The following TIAM1 variants were observed in gnomAD, a reference collection of about 807,000 sequenced individuals.
The protein encoded by TIAM1 is rho guanine nucleotide exchange factor TIAM1.
A neutral mutation model predicts 163.5 loss-of-function variants in TIAM1; 65 were observed. That is an observed-to-expected ratio of 0.40 (90% CI 0.33 to 0.49). The LOEUF is 0.49. TIAM1 is among the 20% of genes least tolerant of loss of function. The pLI, the probability that TIAM1 is intolerant of heterozygous loss-of-function variation, is 0.77. For missense variants in TIAM1, 1,789 were observed against 2,044.7 expected (o/e 0.87, Z 2.41); for synonymous variants, 833 against 810.1 (o/e 1.03, Z -0.48).
At chr21:31,261,271 T>TG (rs1381657326) in intron 4 of TIAM1, among the ~76,000 whole-genome samples, 1 of 150,092 alleles carries the variant, frequency 6.7e-6, no homozygotes, top group Non-Finnish European at 1.5e-5. Context: ...CCTTTTTTTT[T>TG]TTTTTTGTAT....
chr21:31,365,674 G>A (rs2076492931), intron 2 of TIAM1, among the ~76,000 whole-genome samples: 1 of 151,972 alleles, frequency 6.6e-6, no homozygotes, highest in South Asian at 2.1e-4. Context: ...ACAGGCGTGA[G>A]CCACTGTGCC....
At chr21:31,520,743 C>T (rs546565130) in intron 1 of TIAM1, among the ~76,000 whole-genome samples, 1 of 152,168 alleles carries the variant, frequency 6.6e-6, no homozygotes, top group African/African-American at 2.4e-5. Flanking sequence ...CCCAGCCGTG[C>T]GATTGGAGAT....
intron 12 of TIAM1, among the ~76,000 whole-genome samples, chr21:31,201,391 C>A (rs1267292939): frequency 6.6e-6 from 1 of 152,162 alleles, no homozygotes; most frequent in Non-Finnish European, 1.5e-5. Context: ...TTTTGATAAT[C>A]TTCTATTGCA....
At chr21:31,219,058 G>A (rs2087396663) in intron 8 of TIAM1, among the ~76,000 whole-genome samples, 1 of 122,642 alleles carries the variant, frequency 8.2e-6, no homozygotes, top group Non-Finnish European at 1.6e-5. Flanking sequence ...TTTTGACGGA[G>A]TCTCGCTCTG....
chr21:31,245,780 G>A, intron 5 of TIAM1, 120 bp from the exon 6 acceptor site: 1 of 976,736 alleles, frequency 1.0e-6, no homozygotes, highest in Non-Finnish European at 1.3e-6. Context: ...GTGGAACCCA[G>A]GAAGTAAAGA....
intron 6 of TIAM1, 116 bp downstream of exon 6, chr21:31,245,372 T>TAAAA (rs35494700): frequency 8.1e-5 from 17 of 209,906 alleles, no homozygotes; most frequent in Admixed American, 2.1e-4. Context: ...ATCTCACCAC[T>TAAAA]AAAAAAAAAA....
chr21:31,442,515 G>C (rs998168030), intron 2 of TIAM1, among the ~76,000 whole-genome samples: 3 of 152,126 alleles, frequency 2.0e-5, no homozygotes, highest in African/African-American at 7.2e-5. Flanking sequence ...TTACAGGCAT[G>C]AGCTACCACG....
intron 2 of TIAM1, among the ~76,000 whole-genome samples, chr21:31,351,248 CAGA>C (rs2076229217): frequency 6.6e-6 from 1 of 152,156 alleles, no homozygotes; most frequent in Non-Finnish European, 1.5e-5. Flanking sequence ...CATCTGAAGT[CAGA>C]AGGAGTAAGT....
intron 2 of TIAM1, among the ~76,000 whole-genome samples, chr21:31,441,284 C>T (rs2147301180): frequency 6.6e-6 from 1 of 152,202 alleles, no homozygotes; most frequent in East Asian, 1.9e-4. Context: ...CAAGGTGTGG[C>T]CCAAGCATCC....
intron 19 of TIAM1, among the ~76,000 whole-genome samples, chr21:31,151,239 T>C (rs1439779284): frequency 2.0e-5 from 3 of 152,204 alleles, no homozygotes; most frequent in African/African-American, 7.2e-5. Flanking sequence ...AATGAGAGCA[T>C]ATATCCATAC....
chr21:31,245,890 GCC>G (rs2071475330), intron 5 of TIAM1, among the ~76,000 whole-genome samples: 1 of 152,146 alleles, frequency 6.6e-6, no homozygotes, highest in Non-Finnish European at 1.5e-5. Context: ...CTTCCTGCAT[GCC>G]CTCAAGTTCT....
chr21:31,438,324 T>C (rs1193502321), intron 2 of TIAM1, among the ~76,000 whole-genome samples: 1 of 151,262 alleles, frequency 6.6e-6, no homozygotes, highest in African/African-American at 2.4e-5. Context: ...CCCAAGTAGC[T>C]GGGATTACAG....
intron 4 of TIAM1, among the ~76,000 whole-genome samples, chr21:31,259,572 G>C (rs1321086305): frequency 6.6e-6 from 1 of 151,622 alleles, no homozygotes; most frequent in Non-Finnish European, 1.5e-5. Flanking sequence ...GATAATATCT[G>C]TAAATAGCCA....
At chr21:31,524,695 CT>C (rs2047721230) in intron 1 of TIAM1, among the ~76,000 whole-genome samples, 1 of 152,192 alleles carries the variant, frequency 6.6e-6, no homozygotes, top group Non-Finnish European at 1.5e-5. Flanking sequence ...GTATTGAACA[CT>C]ATGCCCAAGA....
intron 2 of TIAM1, among the ~76,000 whole-genome samples, chr21:31,291,113 A>C (rs2074003198): frequency 6.6e-6 from 1 of 152,190 alleles, no homozygotes; most frequent in African/African-American, 2.4e-5. Flanking sequence ...AATACTGTGT[A>C]TTGTGATTCA....
intron 3 of TIAM1, among the ~76,000 whole-genome samples, chr21:31,272,835 T>G (rs1326005424): frequency 6.6e-6 from 1 of 152,164 alleles, no homozygotes; most frequent in African/African-American, 2.4e-5. Flanking sequence ...AAAGCAAGCA[T>G]TTAGCATCAT....
chr21:31,161,560 T>C (rs939205274), intron 16 of TIAM1, among the ~76,000 whole-genome samples: 4 of 152,230 alleles, frequency 2.6e-5, no homozygotes, highest in African/African-American at 9.6e-5. Context: ...AAAACTGCTA[T>C]TCAGTACAAG....
intron 2 of TIAM1, among the ~76,000 whole-genome samples, chr21:31,428,182 G>A (rs2043867158): frequency 6.6e-6 from 1 of 151,028 alleles, no homozygotes; most frequent in East Asian, 2.0e-4. Flanking sequence ...TTGAACCCAG[G>A]AGGCAGAGGT....
intron 5 of TIAM1, among the ~76,000 whole-genome samples, chr21:31,246,076 G>A (rs149340667): frequency 3.3e-5 from 5 of 152,256 alleles, no homozygotes; most frequent in South Asian, 2.1e-4. Context: ...AATATGTCTC[G>A]TATGATATGC....
Sources: gnomAD v4.1 joint callset for allele counts (sites outside exome capture counted in the v4.1 genomes callset) on GRCh38, gnomAD v4.1.1 for gene constraint, MANE v1.5 for transcripts, NCBI Gene and HGNC (gene_info 2026-07-23, HGNC 2026-07-21) for gene names.